Variants in TMEM225B observed in about 807,000 individuals in gnomAD.
The protein encoded by TMEM225B is transmembrane protein 225B.
In TMEM225B, 10 loss-of-function variants were observed where a neutral mutation model predicts 16.9. That is an observed-to-expected ratio of 0.59 (90% CI 0.36 to 1.00). The LOEUF (loss-of-function observed/expected upper bound fraction) is 1.00. Among genes scored for constraint, TMEM225B ranks in the 50% least tolerant of loss-of-function variants. TMEM225B has a pLI of 0.01. For synonymous variants in TMEM225B, 92 were observed against 109.8 expected (o/e 0.84, Z 1.01); for missense variants, 217 against 267.0 (o/e 0.81, Z 1.30).
At chr7:99,604,630 G>C in intron 3 of TMEM225B, 34 bp downstream of exon 3, 1 of 1,490,184 alleles carries the variant, frequency 6.7e-7, no homozygotes, top group Non-Finnish European at 9.0e-7. Flanking sequence ...GGAGAGAGAG[G>C]GAGATGGGGC....
chr7:99,601,115 T>C (rs539518554), intron 2 of TMEM225B, among the ~76,000 whole-genome samples: 1 of 152,290 alleles, frequency 6.6e-6, no homozygotes, highest in South Asian at 2.1e-4. Flanking sequence ...CTCCCATCTA[T>C]ACAGAGGACA....
intron 5 of TMEM225B, among the ~76,000 whole-genome samples, chr7:99,608,805 G>A (rs1806062267): frequency 2.2e-5 from 3 of 134,604 alleles, no homozygotes; most frequent in Admixed American, 1.5e-4. Flanking sequence ...GTGTATATAT[G>A]TATATAGACA....
intron 2 of TMEM225B, among the ~76,000 whole-genome samples, chr7:99,602,402 C>T (rs543185640): frequency 6.6e-6 from 1 of 152,334 alleles, no homozygotes; most frequent in Admixed American, 6.5e-5. Context: ...GCCCTCCATC[C>T]CTGCCCTCCC....
chr7:99,605,859 A>T (rs1456376138), intron 3 of TMEM225B, among the ~76,000 whole-genome samples: 6 of 152,188 alleles, frequency 3.9e-5, no homozygotes, highest in Non-Finnish European at 8.8e-5. Flanking sequence ...AAGTGTTGAG[A>T]TTACAGGCGT....
At chr7:99,600,645 A>G (rs1024609330) in intron 2 of TMEM225B, among the ~76,000 whole-genome samples, 5 of 152,174 alleles carry the variant, frequency 3.3e-5, no homozygotes, top group Admixed American at 1.3e-4. Context: ...AGATCTTGTG[A>G]GACTTATTCA....
At chr7:99,604,723 G>A in intron 3 of TMEM225B, 127 bp downstream of exon 3, 1 of 775,066 alleles carries the variant, frequency 1.3e-6, no homozygotes, top group Non-Finnish European at 2.1e-6. Flanking sequence ...GCTGGATGCG[G>A]TGGCTTGCAC....
In TMEM225B at chr7:99,606,746, A is replaced by C. The variant is rs1392820031; in HGVS notation, c.209-2A>C. The C allele has an allele frequency of 2.0e-6, 3 of 1,535,922 alleles. No homozygotes were observed. Among genetic ancestry groups the C allele is most frequent in the East Asian group, 4.9e-5 (2 of 40,892 alleles). On this transcript the variant is annotated splice_acceptor_variant, in intron 3 of 5. Coordinates refer to ENST00000431679, the MANE Select transcript of TMEM225B (RefSeq NM_001195541.3). LOFTEE classifies it high-confidence loss of function. ...TCAGCCCCACTTCTCCCTCCCCTGC[A>C]GTTTACATCATCCTCGGCCGGGTTT...
chr7:99,602,069 A>G (rs1805420205), intron 2 of TMEM225B, among the ~76,000 whole-genome samples: 1 of 152,194 alleles, frequency 6.6e-6, no homozygotes, highest in African/African-American at 2.4e-5. Flanking sequence ...GGCTTTGGGT[A>G]GGACTTGGAA....
At chr7:99,603,847 G>A (rs1289519386) in intron 2 of TMEM225B, among the ~76,000 whole-genome samples, 1 of 150,310 alleles carries the variant, frequency 6.7e-6, no homozygotes, top group African/African-American at 2.5e-5. Context: ...CTGCAGCCTT[G>A]ACCTTCCTGG....
rs553077338 is a variant in TMEM225B at position 99,606,926 on chromosome 7, G to A, written c.355+32G>A. 23 of 1,535,384 alleles carry A rather than the reference G, an allele frequency of 1.5e-5. No individual in the cohort carries two copies. In the Middle Eastern group the frequency reaches 6.7e-4, roughly 45 times the overall value. On this transcript the variant is annotated intron_variant, in intron 4 of 5. Transcript: ENST00000431679. The stretch of plus-strand genomic sequence containing the variant: ...AACAGCTAGGTGATCCCTGACCTTC[G>A]CTAGGGCCTGGGGAGGAGTCCAGAG...
Position 99,608,719 on chromosome 7 carries a change from AT to A in TMEM225B, c.493+910del, listed in dbSNP as rs1282867941. 6.6e-3 allele frequency among the ~76,000 whole-genome samples: 708 copies of A among 107,126 alleles called. 7 individuals are homozygous for A. The highest frequency in any genetic ancestry group is 0.016 in the African/African-American group (322 of 20,384). 70.3% of individuals were successfully genotyped at this position (107,126 alleles called of 152,430 possible). On this transcript the variant is annotated intron_variant, in intron 5 of 5. Transcript: ENST00000431679. The stretch of plus-strand genomic sequence containing the variant: ...CATGGCCAGCTAGTTAAAAAAAAAT[AT>A]ATATATATATATATACACACACACA...
intron 2 of TMEM225B, among the ~76,000 whole-genome samples, chr7:99,601,732 G>GGTA (rs1805378789): frequency 6.6e-6 from 1 of 152,178 alleles, no homozygotes; most frequent in Non-Finnish European, 1.5e-5. Context: ...GGGTGTGGGG[G>GGTA]GTACAGGAAG....
rs1311934491 is a variant in TMEM225B at position 99,606,768 on chromosome 7, G to A, written c.229G>A (p.Val77Ile). Residue 77 changes from valine to isoleucine, a missense_variant, in exon 4 of 6, where the codon GTT becomes ATT. Transcript: ENST00000431679. ...TGCAGTTTACATCATCCTCGGCCGG[G>A]TTTTCCTGCTCTCTGCAGTTTTCTT... is the stretch of plus-strand genomic sequence containing the variant. ...PLSIYIILGR[V>I]FLLSAVFLAF... 2.0e-6 allele frequency: 3 copies of A among 1,535,898 alleles called. No homozygotes were observed. The East Asian group carries it at 7.3e-5, about 38-fold the overall frequency.
intron 3 of TMEM225B, 55 bp downstream of exon 3, chr7:99,604,651 A>T: frequency 7.2e-7 from 1 of 1,388,896 alleles, no homozygotes. Flanking sequence ...CAGTGTTGGG[A>T]CAGAGGTGGG....
At chr7:99,607,073 A>C (rs1456204123) in intron 4 of TMEM225B, among the ~76,000 whole-genome samples, 179 bp downstream of exon 4, 1 of 152,030 alleles carries the variant, frequency 6.6e-6, no homozygotes, top group Non-Finnish European at 1.5e-5. Context: ...CTGCAGCCTT[A>C]ACCTCCCAGG....
At chr7:99,603,858 G>C (rs1015564293) in intron 2 of TMEM225B, among the ~76,000 whole-genome samples, 2 of 151,800 alleles carry the variant, frequency 1.3e-5, no homozygotes, top group African/African-American at 4.8e-5. Context: ...ACCTTCCTGG[G>C]CTTAGGCGAT....
chr7:99,606,601 C>T, intron 3 of TMEM225B, 147 bp from the exon 4 acceptor site: 1 of 616,032 alleles, frequency 1.6e-6, no homozygotes, highest in Non-Finnish European at 2.7e-6. Context: ...GCCAAAGTGG[C>T]ATGGTCACAA....
Position 99,604,487 on chromosome 7 carries a change from C to T in TMEM225B, c.99C>T (p.Ile33=), listed in dbSNP as rs1391435507. The T allele has an allele frequency of 1.3e-6, 2 of 1,536,066 alleles. No homozygotes were observed. Among genetic ancestry groups the T allele is most frequent in the Middle Eastern group, 1.7e-4 (1 of 5,988 alleles). The part of the protein sequence containing the change: ...LGYLIILVVS[I]FPFWVRLTNE... ...ACCTGATTATACTGGTGGTCTCCAT[C>T]TTTCCCTTCTGGGTGCGACTGACAA... is the stretch of plus-strand genomic sequence containing the variant. The change falls in exon 3 of 6, where the codon ATC becomes ATT. Residue 33 remains isoleucine, a synonymous_variant. Transcript: ENST00000431679.
At chr7:99,604,046 C>T (rs1805583147) in intron 2 of TMEM225B, among the ~76,000 whole-genome samples, 1 of 152,140 alleles carries the variant, frequency 6.6e-6, no homozygotes, top group Non-Finnish European at 1.5e-5. Flanking sequence ...TGAACCACCG[C>T]ACCCAGCTGA....
Sources: allele counts gnomAD v4.1 joint callset (sites outside exome capture counted in the v4.1 genomes callset), GRCh38; gene constraint gnomAD v4.1.1; transcripts MANE v1.5; gene names NCBI Gene and HGNC (gene_info 2026-07-23, HGNC 2026-07-21).